UNC5D: variants seen among roughly 807,000 people sequenced by gnomAD.
UNC5D encodes the protein unc-5 netrin receptor D.
A neutral mutation model predicts 105.4 loss-of-function variants in UNC5D; 39 were observed. The observed-to-expected ratio is 0.37, with a 90% CI of 0.29 to 0.48. UNC5D has a LOEUF of 0.48. Ranked by LOEUF, UNC5D falls within the 20% of genes least tolerant of loss-of-function variation. The pLI is 0.98. For synonymous variants in UNC5D, 452 were observed against 450.4 expected (o/e 1.00, Z -0.04); for missense variants, 991 against 1,202.4 (o/e 0.82, Z 2.60).
intron 4 of UNC5D, among the ~76,000 whole-genome samples, chr8:35,611,338 C>A (rs1008683439): frequency 6.6e-6 from 1 of 152,164 alleles, no homozygotes; most frequent in Admixed American, 6.5e-5. Flanking sequence ...TATCAAAAAG[C>A]TTCGTGGCCC....
At chr8:35,237,580 TG>T (rs1427260241) in intron 1 of UNC5D, among the ~76,000 whole-genome samples, 3 of 152,170 alleles carry the variant, frequency 2.0e-5, no homozygotes, top group Admixed American at 2.0e-4. Flanking sequence ...GATGGAGTTT[TG>T]CTGGCTGCGA....
chr8:35,547,464 A>G (rs1401525102), intron 1 of UNC5D, among the ~76,000 whole-genome samples: 1 of 151,932 alleles, frequency 6.6e-6, no homozygotes, highest in Non-Finnish European at 1.5e-5. Flanking sequence ...ATGCCTGGAT[A>G]CTATTTTTAT....
chr8:35,574,853 C>G (rs1817986420), intron 3 of UNC5D, among the ~76,000 whole-genome samples: 1 of 152,092 alleles, frequency 6.6e-6, no homozygotes, highest in Non-Finnish European at 1.5e-5. Flanking sequence ...CTCATTTTCC[C>G]CTCCTTGACT....
chr8:35,774,925 C>CAAAA (rs1802174425), intron 16 of UNC5D, among the ~76,000 whole-genome samples: 1 of 107,978 alleles, frequency 9.3e-6, no homozygotes, highest in African/African-American at 1.4e-4. Context: ...AGACCCTCCT[C>CAAAA]CAAAAAAAAA....
intron 1 of UNC5D, 58 bp downstream of exon 1, chr8:35,235,945 G>C (rs887173760): frequency 6.6e-6 from 8 of 1,210,602 alleles, no homozygotes; most frequent in East Asian, 3.2e-5. Context: ...CCAGCCTGAC[G>C]GAGCGGGACC....
At chr8:35,697,580 A>G (rs1329100543) in intron 7 of UNC5D, among the ~76,000 whole-genome samples, 1 of 152,108 alleles carries the variant, frequency 6.6e-6, no homozygotes, top group African/African-American at 2.4e-5. Flanking sequence ...ACAACATCCT[A>G]TGAATTCATG....
At chr8:35,778,631 G>A (rs1453646857) in intron 16 of UNC5D, among the ~76,000 whole-genome samples, 1 of 152,158 alleles carries the variant, frequency 6.6e-6, no homozygotes, top group Non-Finnish European at 1.5e-5. Context: ...CCTTAATCTT[G>A]TGACTGCACT....
chr8:35,452,133 T>C (rs1010219084), intron 1 of UNC5D, among the ~76,000 whole-genome samples: 3 of 152,216 alleles, frequency 2.0e-5, no homozygotes, highest in African/African-American at 7.2e-5. Context: ...TTAATATATA[T>C]TTGATGAATT....
At chr8:35,415,474 A>G (rs1334170930) in intron 1 of UNC5D, among the ~76,000 whole-genome samples, 1 of 152,144 alleles carries the variant, frequency 6.6e-6, no homozygotes, top group Non-Finnish European at 1.5e-5. Context: ...TCTCCATCTC[A>G]CTTTGTAAAC....
At chr8:35,629,545 G>T (rs58748125) in intron 4 of UNC5D, among the ~76,000 whole-genome samples, 22,969 of 151,986 alleles carry the variant, frequency 0.15, 3,696 homozygotes, top group African/African-American at 0.41. Context: ...ACTCCAAAAT[G>T]GGGGTAGGAG....
intron 1 of UNC5D, among the ~76,000 whole-genome samples, chr8:35,394,256 G>A (rs1209526791): frequency 6.6e-6 from 1 of 152,128 alleles, no homozygotes. Context: ...ATTTATGAAA[G>A]CGATGCAATG....
chr8:35,464,947 C>G lies in UNC5D; in HGVS notation c.104-84345C>G, dbSNP rs142587173. On this transcript the variant is annotated intron_variant, in intron 1 of 16. Coordinates refer to ENST00000404895, the MANE Select transcript of UNC5D (RefSeq NM_080872.4). Reference sequence around the variant, plus strand: ...CAGTGATTTTCATGTCTGCCACTTCCTTCATGCAATCCCCATATGAGTTCT... The same window carrying G: ...CAGTGATTTTCATGTCTGCCACTTCGTTCATGCAATCCCCATATGAGTTCT... Among the ~76,000 whole-genome samples, 3 of 152,326 alleles carry G rather than the reference C, an allele frequency of 2.0e-5. No homozygotes were observed. In the East Asian group the frequency reaches 5.8e-4, roughly 29 times the overall value.
chr8:35,425,143 A>G (rs1257433871), intron 1 of UNC5D, among the ~76,000 whole-genome samples: 2 of 152,172 alleles, frequency 1.3e-5, no homozygotes, highest in African/African-American at 4.8e-5. Flanking sequence ...TATGTAACAA[A>G]CCTGCACGTT....
intron 1 of UNC5D, among the ~76,000 whole-genome samples, chr8:35,265,908 T>A (rs1034057567): frequency 6.8e-6 from 1 of 146,018 alleles, no homozygotes; most frequent in African/African-American, 2.6e-5. Flanking sequence ...AATAATAATA[T>A]ATCTGGGATT....
At chr8:35,721,462 T>G (rs1255748310) in intron 8 of UNC5D, 1 of 702,666 alleles carries the variant, frequency 1.4e-6, no homozygotes, top group Non-Finnish European at 2.6e-6. Flanking sequence ...TAGGATGGAG[T>G]AGGAGAGGTA....
rs545450452 is a variant in UNC5D at position 35,287,546 on chromosome 8, G to A, written c.103+51659G>A. 2.2e-3 allele frequency among the ~76,000 whole-genome samples: 168 copies of A among 77,662 alleles called. 1 individual carries two copies. The highest frequency in any genetic ancestry group is 6.1e-3 in the African/African-American group (156 of 25,374). 50.9% of individuals were successfully genotyped at this position (77,662 alleles called of 152,430 possible). A position where few individuals can be genotyped will look rare whatever the true frequency, so the allele number is the denominator to read the frequency against. ...ATGGTGGCACGTGCCTGAAATCCCA[G>A]TACTTTGGGGGGCTGAGGCGGCTAA... On this transcript the variant is annotated intron_variant, in intron 1 of 16. Coordinates refer to ENST00000404895, the MANE Select transcript of UNC5D (RefSeq NM_080872.4).
At chr8:35,431,600 T>C (rs1806641141) in intron 1 of UNC5D, among the ~76,000 whole-genome samples, 1 of 152,132 alleles carries the variant, frequency 6.6e-6, no homozygotes, top group Admixed American at 6.6e-5. Flanking sequence ...GCAACTACAA[T>C]AGGTTATTTA....
In UNC5D at chr8:35,351,481, T is replaced by C. The variant is rs187523162; in HGVS notation, c.103+115594T>C. Reference sequence around the variant, plus strand: ...AAATAATTTGAAGTCTCAAGTATTATGGAAAGGCGTACCATCACGGTTGTA... The same window carrying C: ...AAATAATTTGAAGTCTCAAGTATTACGGAAAGGCGTACCATCACGGTTGTA... On this transcript the variant is annotated intron_variant, in intron 1 of 16. Transcript: ENST00000404895. Among the ~76,000 whole-genome samples, 5 of 152,226 alleles carry C rather than the reference T, an allele frequency of 3.3e-5. No individual in the cohort carries two copies. The East Asian group carries it at 9.7e-4, about 29-fold the overall frequency.
chr8:35,702,113 A>G (rs1176058052), intron 7 of UNC5D, among the ~76,000 whole-genome samples: 1 of 152,126 alleles, frequency 6.6e-6, no homozygotes, highest in Non-Finnish European at 1.5e-5. Flanking sequence ...CTTACTCAGA[A>G]GGTACCAATC....
Sources: gnomAD v4.1 joint callset for allele counts (sites outside exome capture counted in the v4.1 genomes callset) on GRCh38, gnomAD v4.1.1 for gene constraint, MANE v1.5 for transcripts, NCBI Gene and HGNC (gene_info 2026-07-23, HGNC 2026-07-21) for gene names.